ZFP30: variants seen among roughly 807,000 people sequenced by gnomAD.
The protein encoded by ZFP30 is ZFP30 zinc finger protein, also known as zinc finger protein 30 homolog.
In ZFP30, 16 loss-of-function variants were observed where a neutral mutation model predicts 12.3. The ratio of observed to expected loss-of-function variants is 1.30; its 90% CI spans 0.88 to 1.98. ZFP30 has a LOEUF of 1.98. Among genes scored for constraint, ZFP30 ranks in the 30% most tolerant of loss-of-function variants. The pLI, the probability that ZFP30 is intolerant of heterozygous loss-of-function variation, is 0.00. For synonymous variants in ZFP30, 172 were observed against 201.0 expected (o/e 0.86, Z 1.22); for missense variants, 560 against 611.2 (o/e 0.92, Z 0.88).
intron 2 of ZFP30, among the ~76,000 whole-genome samples, chr19:37,653,964 G>A (rs2044702846): frequency 6.6e-6 from 1 of 152,048 alleles, no homozygotes; most frequent in African/African-American, 2.4e-5. Flanking sequence ...ATTTGCATTG[G>A]TCTTGGAAAT....
chr19:37,656,248 C>T (rs2044753030), upstream of ZFP30: 1 of 152,566 alleles, frequency 6.6e-6, no homozygotes, highest in Non-Finnish European at 1.5e-5. Flanking sequence ...GTGCCTGACT[C>T]TGACGCTGGC....
rs116659494 is a variant in ZFP30 at position 37,638,584 on chromosome 19, G to T, written c.236-2279C>A. ...TATACCCAAACTGGAAAGAGTCCAA[G>T]TGTTCATCAATGGAAGAACAGCTAA... On this transcript the variant is annotated intron_variant, in intron 5 of 5. Transcript: ENST00000684514. Among the ~76,000 whole-genome samples the T allele has an allele frequency of 3.8e-3, 577 of 152,266 alleles. 7 individuals are homozygous for T. The highest frequency in any genetic ancestry group is 0.013 in the African/African-American group (540 of 41,548).
At chr19:37,651,974 C>A (rs535330752) in intron 2 of ZFP30, among the ~76,000 whole-genome samples, 1 of 151,682 alleles carries the variant, frequency 6.6e-6, no homozygotes, top group South Asian at 2.1e-4. Context: ...TTTTTTAGAC[C>A]ATTAAAGGGA....
In ZFP30 at chr19:37,633,764, A is replaced by C. The variant is rs1428806266; in HGVS notation, c.*1217T>G. The C allele has an allele frequency of 6.6e-6, 1 of 152,216 alleles. No individual in the cohort carries two copies. The highest frequency in any genetic ancestry group is 1.5e-5 in the Non-Finnish European group (1 of 68,034). The allele number at this position is 152,216 out of a possible 1,614,324, so 9.4% of individuals were successfully genotyped here. Reference sequence around the variant, plus strand: ...TACACAAAAGTAGAATAGCAAAAACAAAACAAATAAAAACCATGTATCCAA... The same window carrying C: ...TACACAAAAGTAGAATAGCAAAAACCAAACAAATAAAAACCATGTATCCAA... On this transcript the variant is annotated 3_prime_UTR_variant, in exon 6 of 6. Coordinates refer to ENST00000684514, the MANE Select transcript of ZFP30 (RefSeq NM_001320669.3).
chr19:37,641,527 C>A (rs957408550), intron 5 of ZFP30, among the ~76,000 whole-genome samples: 1 of 152,178 alleles, frequency 6.6e-6, no homozygotes, highest in Non-Finnish European at 1.5e-5. Context: ...CCAGCATTAA[C>A]CCCATGCCCA....
chr19:37,650,695 C>G (rs1004426211), intron 2 of ZFP30, among the ~76,000 whole-genome samples: 2 of 151,930 alleles, frequency 1.3e-5, no homozygotes, highest in Non-Finnish European at 2.9e-5. Flanking sequence ...CCCACATATG[C>G]ATAGTTGCAG....
intron 4 of ZFP30, among the ~76,000 whole-genome samples, chr19:37,643,628 C>T (rs1040983897): frequency 6.6e-6 from 1 of 152,196 alleles, no homozygotes; most frequent in Non-Finnish European, 1.5e-5. Context: ...AATCTCTCTG[C>T]ACCTCATTTT....
Position 37,636,220 on chromosome 19 carries a change from T to C in ZFP30, c.321A>G (p.Glu107=). The part of the protein sequence containing the change: ...EMNLSQWKVM[E]RIKSCGLEEQ... The stretch of plus-strand genomic sequence containing the variant: ...CTTCAAGTCCACAGCTTTTAATTCT[T>C]TCCATTACCTTCCACTGAGATAAGT... The change falls in exon 6 of 6, where the codon GAA becomes GAG. Residue 107 remains glutamate (E), a synonymous_variant. Coordinates refer to ENST00000684514, the MANE Select transcript of ZFP30 (RefSeq NM_001320669.3). 1 of 1,614,064 alleles carries C rather than the reference T, an allele frequency of 6.2e-7. No individual in the cohort carries two copies. Among genetic ancestry groups the C allele is most frequent in the Non-Finnish European group, 8.5e-7 (1 of 1,180,004 alleles).
At chr19:37,642,637 TC>T (rs1352270039) in intron 5 of ZFP30, among the ~76,000 whole-genome samples, 2 of 151,646 alleles carry the variant, frequency 1.3e-5, no homozygotes, top group Non-Finnish European at 2.9e-5. Context: ...TACATAAAAG[TC>T]AAAATATAAA....
intron 5 of ZFP30, among the ~76,000 whole-genome samples, chr19:37,643,056 A>G (rs940192402): frequency 6.6e-6 from 1 of 150,644 alleles, no homozygotes; most frequent in South Asian, 2.1e-4. Context: ...CCGTCTCAAA[A>G]AAAAAAAAAA....
intron 5 of ZFP30, among the ~76,000 whole-genome samples, chr19:37,636,774 G>A (rs1011034057): frequency 9.3e-5 from 14 of 151,102 alleles, no homozygotes; most frequent in African/African-American, 1.5e-4. Context: ...GCAGTGGCTC[G>A]ATCTCAGCTC....
chr19:37,649,084 A>AT (rs1568386913), intron 2 of ZFP30, among the ~76,000 whole-genome samples: 8 of 151,846 alleles, frequency 5.3e-5, no homozygotes, highest in Admixed American at 4.6e-4. Context: ...ACAACAAAAA[A>AT]ATTTTTTTAA....
chr19:37,644,437 G>A, intron 4 of ZFP30, 173 bp downstream of exon 4: 1 of 520,748 alleles, frequency 1.9e-6, no homozygotes, highest in Non-Finnish European at 3.2e-6. Context: ...GGGAGGCTGA[G>A]GCAGTAGAAT....
intron 4 of ZFP30, 83 bp downstream of exon 4, chr19:37,644,527 C>G: frequency 7.3e-7 from 1 of 1,375,028 alleles, no homozygotes; most frequent in Non-Finnish European, 9.5e-7. Context: ...AGCGAGACTT[C>G]GTCTTTGGAA....
At chr19:37,648,597 T>C (rs376414900) in intron 2 of ZFP30, among the ~76,000 whole-genome samples, 3 of 152,224 alleles carry the variant, frequency 2.0e-5, no homozygotes, top group East Asian at 3.9e-4. Context: ...ACTTGCTAGG[T>C]CTCACTCCCA....
intron 2 of ZFP30, among the ~76,000 whole-genome samples, chr19:37,649,855 A>C (rs984356929): frequency 6.6e-6 from 1 of 151,824 alleles, no homozygotes; most frequent in Non-Finnish European, 1.5e-5. Flanking sequence ...AAAAAAAAAG[A>C]AAAATAAACA....
At chr19:37,647,249 A>G (rs2044561136) in intron 3 of ZFP30, among the ~76,000 whole-genome samples, 1 of 152,214 alleles carries the variant, frequency 6.6e-6, no homozygotes. Context: ...GATTTGGTCA[A>G]TGCACACATG....
intron 5 of ZFP30, among the ~76,000 whole-genome samples, chr19:37,636,711 TTTC>T (rs138421527): frequency 0.051 from 7,811 of 151,860 alleles, 646 homozygotes; most frequent in African/African-American, 0.18. Context: ...TGTCACAATC[TTTC>T]TTTTCTTTTT....
In ZFP30 at chr19:37,632,833, C is replaced by T. The variant is rs1319027928; in HGVS notation, c.*2148G>A. 7 of 152,182 alleles carry T rather than the reference C, an allele frequency of 4.6e-5. No individual in the cohort carries two copies. The highest frequency in any genetic ancestry group is 1.7e-4 in the African/African-American group (7 of 41,442). 9.4% of individuals were successfully genotyped at this position (152,182 alleles called of 1,614,324 possible). ...AGTACAGGTCTAGTCCATTATTTCC[C>T]ACATTTAGCAGTAGTAATTGCTTTC... On this transcript the variant is annotated 3_prime_UTR_variant, in exon 6 of 6. Coordinates refer to ENST00000684514, the MANE Select transcript of ZFP30 (RefSeq NM_001320669.3).
Sources: allele counts gnomAD v4.1 joint callset (sites outside exome capture counted in the v4.1 genomes callset), GRCh38; gene constraint gnomAD v4.1.1; transcripts MANE v1.5; gene names NCBI Gene and HGNC (gene_info 2026-07-23, HGNC 2026-07-21).